DMD: variants seen among roughly 807,000 people sequenced by gnomAD.
DMD encodes dystrophin.
DMD carries 63 observed loss-of-function variants against 330.1 expected under a neutral mutation model. The observed-to-expected ratio is 0.19, with a 90% CI of 0.16 to 0.24. DMD has a LOEUF of 0.24. Among genes scored for constraint, DMD ranks in the 10% least tolerant of loss-of-function variants. The pLI, the probability that DMD is intolerant of heterozygous loss-of-function variation, is 1.00. For missense variants in DMD, 3,344 were observed against 2,684.1 expected, an observed-to-expected ratio of 1.25 and a Z score of -5.43; for synonymous variants, 1,223 against 959.8, an observed-to-expected ratio of 1.27 and a Z score of -5.07.
At chrX:31,408,721 GTTTTGTTTTGT>G (rs374580515) in intron 60 of DMD, among the ~76,000 whole-genome samples, 1,194 of 48,677 alleles carry the variant, frequency 0.025, 17 homozygotes, top group African/African-American at 0.14. Flanking sequence ...TTTTTGTTTT[GTTTTGTTTTGT>G]TTTGTTTTTA....
At chrX:32,870,289 CACAA>C (rs1156503891) in intron 2 of DMD, among the ~76,000 whole-genome samples, 1 of 111,468 alleles carries the variant, frequency 9.0e-6, no homozygotes, top group African/African-American at 3.3e-5. Context: ...ACTAAGAGGA[CACAA>C]ACAAATGGAA....
At chrX:31,604,139 T>C (rs1393807088) in intron 55 of DMD, among the ~76,000 whole-genome samples, 2 of 112,238 alleles carry the variant, frequency 1.8e-5, no homozygotes, top group Non-Finnish European at 3.8e-5. Context: ...GCTTCTTATG[T>C]AGTCTCCAAA....
At chrX:33,127,291 GAC>G (rs1441953980) in intron 1 of DMD, among the ~76,000 whole-genome samples, 2 of 110,624 alleles carry the variant, frequency 1.8e-5, no homozygotes, top group Middle Eastern at 4.3e-3. Flanking sequence ...CAAATATACT[GAC>G]AGTATATATT....
chrX:31,547,042 T>C (rs1002356333), intron 55 of DMD, among the ~76,000 whole-genome samples: 1 of 112,576 alleles, frequency 8.9e-6, no homozygotes, highest in Admixed American at 9.4e-5. Context: ...GAAAAAATTA[T>C]ACTGCAGGTT....
In DMD at chrX:32,594,538, T is replaced by A. The variant is rs1006001000; in HGVS notation, c.1602+1219A>T. On this transcript the variant is annotated intron_variant, in intron 13 of 78. Coordinates refer to ENST00000357033, the MANE Select transcript of DMD (RefSeq NM_004006.3). ...TCCAAATACCTGTTTCTCTTTCCTG[T>A]AATTCTTCTAATTACGTCTACCAGA... Among the ~76,000 whole-genome samples the A allele has an allele frequency of 4.5e-5, 5 of 111,575 alleles. No individual in the cohort carries two copies. The Admixed American group carries it at 4.8e-4, about 11-fold the overall frequency.
chrX:31,218,541 T>C (rs1196194935), intron 64 of DMD, among the ~76,000 whole-genome samples: 1 of 111,813 alleles, frequency 8.9e-6, no homozygotes, highest in Non-Finnish European at 1.9e-5. Context: ...TTGGCAACTA[T>C]ATAGCTGAAA....
intron 1 of DMD, among the ~76,000 whole-genome samples, chrX:33,220,288 A>G (rs1313769618): frequency 2.7e-5 from 3 of 110,810 alleles, no homozygotes; most frequent in African/African-American, 9.9e-5. Flanking sequence ...CACTAATACA[A>G]CTGAAGAATT....
chrX:32,972,187 G>GT (rs771315401), intron 2 of DMD, among the ~76,000 whole-genome samples: 5 of 110,103 alleles, frequency 4.5e-5, no homozygotes, highest in East Asian at 2.9e-4. Flanking sequence ...AATTTTTTTG[G>GT]TTTTTTTTAA....
chrX:31,874,090 T>G (rs971914937), intron 48 of DMD, among the ~76,000 whole-genome samples: 5 of 111,618 alleles, frequency 4.5e-5, no homozygotes, highest in Admixed American at 3.8e-4. Context: ...ATAAAAAGGT[T>G]TATAAGAAAT....
chrX:31,752,103 A>G (rs1013865386), intron 51 of DMD, among the ~76,000 whole-genome samples: 1 of 111,698 alleles, frequency 9.0e-6, no homozygotes, highest in Non-Finnish European at 1.9e-5. Context: ...TTGTGATTAC[A>G]TTGGGCGCAC....
At chrX:33,115,410 G>GA (rs1056426553) in intron 1 of DMD, among the ~76,000 whole-genome samples, 3 of 110,957 alleles carry the variant, frequency 2.7e-5, no homozygotes, top group Admixed American at 9.7e-5. Flanking sequence ...GTAATGGGGG[G>GA]ATCTCCTAAA....
intron 2 of DMD, among the ~76,000 whole-genome samples, chrX:32,989,363 A>G: frequency 8.9e-6 from 1 of 112,289 alleles, no homozygotes; most frequent in Non-Finnish European, 1.9e-5. Flanking sequence ...TCTCAGAGTC[A>G]TGTAGCAACT....
rs187584942 is a variant in DMD at position 31,170,015 on chromosome X, A to C, written c.10395-414T>G. Among the ~76,000 whole-genome samples the C allele has an allele frequency of 1.2e-3, 138 of 112,382 alleles. 2 individuals are homozygous for C. Among genetic ancestry groups the C allele is most frequent in the Admixed American group, 8.4e-3 (89 of 10,602 alleles). The stretch of plus-strand genomic sequence containing the variant: ...ATTGTTGTACTGAGTAGGAAAAAAT[A>C]CCTTGCAGCTCTAAAAGTAACAGAG... On this transcript the variant is annotated intron_variant, in intron 73 of 78. Coordinates refer to ENST00000357033, the MANE Select transcript of DMD (RefSeq NM_004006.3).
intron 45 of DMD, among the ~76,000 whole-genome samples, chrX:31,966,124 C>T (rs1024177054): frequency 2.7e-5 from 3 of 111,136 alleles, no homozygotes; most frequent in Non-Finnish European, 5.7e-5. Flanking sequence ...GTTGAATAGG[C>T]ATCTTATATA....
chrX:31,839,992 T>C (rs761960097), intron 48 of DMD, among the ~76,000 whole-genome samples: 23 of 111,633 alleles, frequency 2.1e-4, no homozygotes, highest in Non-Finnish European at 7.5e-5. Flanking sequence ...TGTGATGTAC[T>C]AGCATGGAAA....
intron 63 of DMD, among the ~76,000 whole-genome samples, chrX:31,243,468 A>G (rs1036183045): frequency 8.9e-6 from 1 of 112,289 alleles, no homozygotes; most frequent in Non-Finnish European, 1.9e-5. Context: ...AACACACAAA[A>G]AAGTGTGTAT....
At chrX:31,635,936 A>C (rs781737255) in intron 54 of DMD, among the ~76,000 whole-genome samples, 24 of 112,151 alleles carry the variant, frequency 2.1e-4, no homozygotes, top group African/African-American at 7.5e-4. Flanking sequence ...GCTATCACTA[A>C]ATAGTCAAAA....
chrX:32,707,636 C>T (rs1326157506), intron 7 of DMD, among the ~76,000 whole-genome samples: 1 of 111,999 alleles, frequency 8.9e-6, no homozygotes, highest in Non-Finnish European at 1.9e-5. Context: ...ATTGTCTCTT[C>T]CGTCACAATT....
At chrX:31,630,009 T>C (rs1361753765) in intron 54 of DMD, among the ~76,000 whole-genome samples, 2 of 112,635 alleles carry the variant, frequency 1.8e-5, no homozygotes, top group Non-Finnish European at 3.7e-5. Context: ...TGTAATATTG[T>C]GCATTTTATC....
Sources: allele counts gnomAD v4.1 joint callset (sites outside exome capture counted in the v4.1 genomes callset), GRCh38; gene constraint gnomAD v4.1.1; transcripts MANE v1.5; gene names NCBI Gene and HGNC (gene_info 2026-07-23, HGNC 2026-07-21).